The following EIF2AK3 variants were observed in gnomAD, a reference collection of about 807,000 sequenced individuals.
The protein encoded by EIF2AK3 is eukaryotic translation initiation factor 2 alpha kinase 3.
EIF2AK3 carries 50 observed loss-of-function variants against 113.5 expected under a neutral mutation model. That is an observed-to-expected ratio of 0.44 (90% CI 0.35 to 0.56). EIF2AK3 has a LOEUF of 0.56. EIF2AK3 is among the 20% of genes least tolerant of loss of function. EIF2AK3 has a pLI of 0.00. For synonymous variants in EIF2AK3, 448 were observed against 495.4 expected (o/e 0.90, Z 1.27); for missense variants, 1,185 against 1,378.0 (o/e 0.86, Z 2.22).
intron 3 of EIF2AK3, 49 bp downstream of exon 3, chr2:88,595,420 C>T: frequency 6.4e-7 from 1 of 1,559,948 alleles, no homozygotes; most frequent in South Asian, 1.1e-5. Flanking sequence ...ACTTTTTCTA[C>T]CCTAATTTAC....
At chr2:88,569,163 T>TTA (rs1270996520) in intron 14 of EIF2AK3, among the ~76,000 whole-genome samples, 1 of 152,006 alleles carries the variant, frequency 6.6e-6, no homozygotes, top group African/African-American at 2.4e-5. Context: ...AGTGCTGGGA[T>TTA]TATAGGTGTG....
In EIF2AK3 at chr2:88,595,485, C is replaced by A; in HGVS notation, c.617G>T (p.Ser206Ile). 1 of 1,613,990 alleles carries A rather than the reference C, an allele frequency of 6.2e-7. No individual in the cohort carries two copies. Among genetic ancestry groups the A allele is most frequent in the South Asian group, 1.1e-5 (1 of 91,076 alleles). Reference protein sequence around the residue: ...GGKSLTTYGLSAYSGKVRYIC... With the variant: ...GGKSLTTYGLIAYSGKVRYIC... ...TTCACTTACCTTTCCACTATATGCA[C>A]TGAGTCCATATGTAGTCAGAGATTT... Residue 206 changes from serine to isoleucine, a missense_variant, in exon 3 of 17, where the codon AGT becomes ATT. Transcript: ENST00000303236.
upstream of EIF2AK3, chr2:88,627,580 G>A (rs1675905593): frequency 3.0e-6 from 1 of 336,602 alleles, no homozygotes; most frequent in African/African-American, 2.1e-5. Flanking sequence ...ACTTTCCCTG[G>A]TGGTCAACAT....
chr2:88,565,586 C>T (rs1041842733), intron 14 of EIF2AK3, among the ~76,000 whole-genome samples: 27 of 151,496 alleles, frequency 1.8e-4, no homozygotes, highest in Admixed American at 1.8e-3. Flanking sequence ...AAGCAATCCA[C>T]CTGTCCCAAA....
In EIF2AK3 at chr2:88,557,659, G is replaced by T; in HGVS notation, c.*77C>A. 1 of 1,497,394 alleles carries T rather than the reference G, an allele frequency of 6.7e-7. No homozygotes were observed. The highest frequency in any genetic ancestry group is 2.3e-5 in the East Asian group (1 of 44,262). The allele number at this position is 1,497,394 out of a possible 1,614,324, so 92.8% of individuals were successfully genotyped here. A position where few individuals can be genotyped will look rare whatever the true frequency, so the allele number is the denominator to read the frequency against. On this transcript the variant is annotated 3_prime_UTR_variant, in exon 17 of 17. Coordinates refer to ENST00000303236, the MANE Select transcript of EIF2AK3 (RefSeq NM_004836.7). ...AGCGAAGAACAAACTTTTCAAGTCTGCAATTTTGGACAGGCATATTCTAAG... is the reference window on the plus strand; with the variant it reads ...AGCGAAGAACAAACTTTTCAAGTCTTCAATTTTGGACAGGCATATTCTAAG...
intron 10 of EIF2AK3, 81 bp from the exon 11 acceptor site, chr2:88,579,721 A>G (rs1674551068): frequency 1.5e-6 from 2 of 1,330,078 alleles, no homozygotes; most frequent in Non-Finnish European, 2.1e-6. Flanking sequence ...CAATCTTATG[A>G]CACATAAAAA....
chr2:88,605,101 T>C (rs1675237448), intron 2 of EIF2AK3, among the ~76,000 whole-genome samples: 1 of 152,182 alleles, frequency 6.6e-6, no homozygotes, highest in Admixed American at 6.5e-5. Flanking sequence ...AAAGTGCTAC[T>C]CAAACAAAAG....
chr2:88,612,807 G>C (rs976289154), intron 2 of EIF2AK3, among the ~76,000 whole-genome samples: 26 of 152,106 alleles, frequency 1.7e-4, no homozygotes, highest in Non-Finnish European at 1.5e-5. Flanking sequence ...CAGCTAGGAA[G>C]CTTTTTAAAG....
chr2:88,619,671 T>C (rs1675670747), intron 1 of EIF2AK3, among the ~76,000 whole-genome samples: 1 of 152,100 alleles, frequency 6.6e-6, no homozygotes, highest in East Asian at 1.9e-4. Context: ...AAATCTTTTC[T>C]GGCTGGGCAC....
intron 16 of EIF2AK3, among the ~76,000 whole-genome samples, chr2:88,558,444 G>T (rs1178705797): frequency 3.3e-5 from 5 of 152,246 alleles, no homozygotes; most frequent in South Asian, 4.1e-4. Context: ...AACGTAACAT[G>T]TACTCTTATG....
At chr2:88,558,108 T>C (rs1055169296) in intron 16 of EIF2AK3, among the ~76,000 whole-genome samples, 172 bp from the exon 17 acceptor site, 1 of 152,146 alleles carries the variant, frequency 6.6e-6, no homozygotes, top group African/African-American at 2.4e-5. Context: ...CACAAAAGCA[T>C]CCAGAGACAA....
intron 1 of EIF2AK3, among the ~76,000 whole-genome samples, chr2:88,615,639 AC>A (rs1438661961): frequency 6.6e-6 from 1 of 152,076 alleles, no homozygotes; most frequent in African/African-American, 2.4e-5. Flanking sequence ...TCTATAAACC[AC>A]CCAGTCTACA....
intron 13 of EIF2AK3, chr2:88,574,427 A>G: frequency 1.8e-6 from 1 of 568,234 alleles, no homozygotes; most frequent in Non-Finnish European, 3.1e-6. Context: ...TACCTTTTAC[A>G]GTAAAATGAA....
intron 13 of EIF2AK3, among the ~76,000 whole-genome samples, chr2:88,572,471 G>C (rs187791312): frequency 6.6e-6 from 1 of 152,316 alleles, no homozygotes; most frequent in Admixed American, 6.5e-5. Context: ...GGATTGTTGA[G>C]GGATGGGTAG....
chr2:88,587,490 A>C (rs558038277), intron 8 of EIF2AK3, among the ~76,000 whole-genome samples: 1 of 152,176 alleles, frequency 6.6e-6, no homozygotes, highest in South Asian at 2.1e-4. Context: ...CTTTTGCACT[A>C]ATTTCTCTTG....
At chr2:88,575,877 G>A (rs1202664964) in intron 12 of EIF2AK3, among the ~76,000 whole-genome samples, 6 of 152,292 alleles carry the variant, frequency 3.9e-5, no homozygotes, top group East Asian at 1.9e-4. Flanking sequence ...GGTACCTCAC[G>A]TGGATCTAAT....
chr2:88,573,345 T>C (rs1402201401), intron 13 of EIF2AK3, among the ~76,000 whole-genome samples: 1 of 152,214 alleles, frequency 6.6e-6, no homozygotes, highest in African/African-American at 2.4e-5. Context: ...CAGAAGAATA[T>C]TCATTATTAG....
chr2:88,615,576 C>G (rs1304811404), intron 1 of EIF2AK3, among the ~76,000 whole-genome samples: 1 of 151,848 alleles, frequency 6.6e-6, no homozygotes, highest in Non-Finnish European at 1.5e-5. Flanking sequence ...TCTGCCAGTA[C>G]CTTGATCTTG....
chr2:88,557,448 T>G lies in EIF2AK3; in HGVS notation c.*288A>C, dbSNP rs1673809377. The G allele has an allele frequency of 6.5e-6, 3 of 458,378 alleles. No individual in the cohort carries two copies. The South Asian group carries it at 6.8e-5, about 10-fold the overall frequency. 28.4% of individuals were successfully genotyped at this position (458,378 alleles called of 1,614,324 possible). A position where few individuals can be genotyped will look rare whatever the true frequency, so the allele number is the denominator to read the frequency against. ...ACTATATATATATATTAGGGATTGC[T>G]GCTACCTCCTTAGGCAAATGGTGAG... On this transcript the variant is annotated 3_prime_UTR_variant, in exon 17 of 17. Transcript: ENST00000303236.
Sources: allele counts gnomAD v4.1 joint callset (sites outside exome capture counted in the v4.1 genomes callset), GRCh38; gene constraint gnomAD v4.1.1; transcripts MANE v1.5; gene names NCBI Gene and HGNC (gene_info 2026-07-23, HGNC 2026-07-21).